EBF1: variants seen among roughly 807,000 people sequenced by gnomAD.
The protein encoded by EBF1 is transcription factor COE1.
A neutral mutation model predicts 68.4 loss-of-function variants in EBF1; 10 were observed. That is an observed-to-expected ratio of 0.15 (90% CI 0.09 to 0.25). EBF1 has a LOEUF of 0.25. Ranked by LOEUF, EBF1 falls within the 10% of genes least tolerant of loss-of-function variation. The pLI is 1.00. For synonymous variants in EBF1, 298 were observed against 299.8 expected, an observed-to-expected ratio of 0.99 and a Z score of 0.06; for missense variants, 509 against 794.4, an observed-to-expected ratio of 0.64 and a Z score of 4.32.
intron 6 of EBF1, among the ~76,000 whole-genome samples, chr5:158,991,114 T>G (rs750980359): frequency 2.5e-4 from 38 of 152,224 alleles, no homozygotes; most frequent in Admixed American, 1.2e-3. Flanking sequence ...AGCAATACAC[T>G]ACTGAACTTT....
chr5:158,984,991 C>T (rs1158893756), intron 6 of EBF1, among the ~76,000 whole-genome samples: 1 of 152,140 alleles, frequency 6.6e-6, no homozygotes, highest in East Asian at 1.9e-4. Flanking sequence ...CCCAATGCTG[C>T]TTTCTTTTCA....
chr5:159,003,098 A>G (rs1762884368), intron 6 of EBF1, among the ~76,000 whole-genome samples: 1 of 152,194 alleles, frequency 6.6e-6, no homozygotes. Flanking sequence ...ATCAAGGGTT[A>G]TTGCTGCTGT....
Position 158,748,346 on chromosome 5 carries a change from G to T in EBF1, c.1037-17189C>A, listed in dbSNP as rs774909539. On this transcript the variant is annotated intron_variant, in intron 10 of 15. Transcript: ENST00000313708. ...CCCCTCATCAAGTAAGTTGAAAATG[G>T]TTATGGAATCCAGAGGTAGCTCCGG... Among the ~76,000 whole-genome samples the T allele has an allele frequency of 1.4e-4, 21 of 152,256 alleles. No homozygotes were observed. In the Middle Eastern group the frequency reaches 0.01, roughly 74 times the overall value.
intron 6 of EBF1, among the ~76,000 whole-genome samples, chr5:158,979,964 A>T (rs910728960): frequency 1.3e-5 from 2 of 152,042 alleles, no homozygotes; most frequent in Non-Finnish European, 2.9e-5. Context: ...CCCACAAGTC[A>T]CTGGGAGTGT....
At chr5:158,925,831 A>G (rs1187869830) in intron 6 of EBF1, among the ~76,000 whole-genome samples, 1 of 152,226 alleles carries the variant, frequency 6.6e-6, no homozygotes, top group East Asian at 1.9e-4. Flanking sequence ...AATTCTAATT[A>G]ATATATCAAC....
chr5:158,897,485 G>T (rs1468020322), intron 6 of EBF1, among the ~76,000 whole-genome samples: 1 of 152,018 alleles, frequency 6.6e-6, no homozygotes, highest in Non-Finnish European at 1.5e-5. Flanking sequence ...ATACCTGGAT[G>T]ATGAAATAAT....
At chr5:158,942,264 A>T (rs7701020) in intron 6 of EBF1, among the ~76,000 whole-genome samples, 44,775 of 152,106 alleles carry the variant, frequency 0.29, 7,105 homozygotes, top group Non-Finnish European at 0.36. Context: ...CTATCTGGTA[A>T]TATACAAAGA....
chr5:158,882,809 A>G lies in EBF1; in HGVS notation c.555-42699T>C, dbSNP rs1799143555. On this transcript the variant is annotated intron_variant, in intron 6 of 15. Coordinates refer to ENST00000313708, the MANE Select transcript of EBF1 (RefSeq NM_024007.5). ...AGCAATACATGTTGCTGTGTTACAC[A>G]CCATCGAGCACCTCGCACTGCAGGT... 3.3e-5 allele frequency among the ~76,000 whole-genome samples: 5 copies of G among 152,238 alleles called. No homozygotes were observed. The South Asian group carries it at 1.0e-3, about 31-fold the overall frequency.
Position 158,720,965 on chromosome 5 carries a change from C to G in EBF1, c.1126-6783G>C, listed in dbSNP as rs148246199. On this transcript the variant is annotated intron_variant, in intron 11 of 15. Transcript: ENST00000313708. ...TTGCCCTACAGAACATTCTAGCTAG[C>G]GCATACTTTTTGCCCAGAGTCTTTT... is the stretch of plus-strand genomic sequence containing the variant. Among the ~76,000 whole-genome samples the G allele has an allele frequency of 3.3e-5, 5 of 152,140 alleles. No individual in the cohort carries two copies. In the East Asian group the frequency reaches 9.6e-4, roughly 29 times the overall value.
chr5:158,750,044 T>C (rs1768452416), intron 10 of EBF1, among the ~76,000 whole-genome samples: 1 of 152,088 alleles, frequency 6.6e-6, no homozygotes, highest in Middle Eastern at 3.2e-3. Flanking sequence ...CACTGGTAAA[T>C]CTAACATTAA....
intron 10 of EBF1, among the ~76,000 whole-genome samples, chr5:158,759,549 C>T (rs532328359): frequency 2.0e-5 from 3 of 152,176 alleles, no homozygotes; most frequent in African/African-American, 4.8e-5. Context: ...ATAGCGTGAG[C>T]GCTGGGGAAA....
Position 158,699,019 on chromosome 5 carries a change from G to T in EBF1, c.*92C>A. On this transcript the variant is annotated 3_prime_UTR_variant, in exon 16 of 16. Coordinates refer to ENST00000313708, the MANE Select transcript of EBF1 (RefSeq NM_024007.5). ...ATTGTGATTCCTCTTAAAAAGGCCT[G>T]AGTTAAAAGTTCCACTCTGGGACTT... 8.2e-7 allele frequency: 1 copy of T among 1,214,700 alleles called. No homozygotes were observed. Among genetic ancestry groups the T allele is most frequent in the Non-Finnish European group, 1.1e-6 (1 of 878,038 alleles). The allele number at this position is 1,214,700 out of a possible 1,614,324, so 75.2% of individuals were successfully genotyped here.
At chr5:158,922,838 C>T (rs935792173) in intron 6 of EBF1, among the ~76,000 whole-genome samples, 2 of 152,190 alleles carry the variant, frequency 1.3e-5, no homozygotes, top group African/African-American at 2.4e-5. Context: ...CAAGGACTAT[C>T]ATTTATTTTA....
At chr5:158,975,275 C>G (rs142418347) in intron 6 of EBF1, among the ~76,000 whole-genome samples, 6 of 152,218 alleles carry the variant, frequency 3.9e-5, no homozygotes, top group South Asian at 4.2e-4. Flanking sequence ...CCCACTCCCC[C>G]CAAAAAATAT....
At chr5:159,046,756 C>A (rs1407954510) in intron 6 of EBF1, among the ~76,000 whole-genome samples, 2 of 152,192 alleles carry the variant, frequency 1.3e-5, no homozygotes, top group East Asian at 3.8e-4. Flanking sequence ...GGATAAGATT[C>A]ATGACTGGCA....
At chr5:158,953,177 T>A (rs1359975190) in intron 6 of EBF1, among the ~76,000 whole-genome samples, 1 of 152,228 alleles carries the variant, frequency 6.6e-6, no homozygotes, top group Non-Finnish European at 1.5e-5. Context: ...GTAAACAGTA[T>A]GTCTGGGACC....
intron 6 of EBF1, among the ~76,000 whole-genome samples, chr5:158,948,780 G>A (rs1001005025): frequency 9.2e-5 from 14 of 152,190 alleles, no homozygotes; most frequent in Non-Finnish European, 1.3e-4. Flanking sequence ...CAGAGAAGCC[G>A]AGCTCTCGAT....
chr5:158,923,432 C>T (rs1356913800), intron 6 of EBF1, among the ~76,000 whole-genome samples: 1 of 152,034 alleles, frequency 6.6e-6, no homozygotes, highest in East Asian at 1.9e-4. Flanking sequence ...GAAAATATTG[C>T]CACTTTCAAA....
At position 158,972,374 on chromosome 5, in the gene EBF1, C is replaced by T. The variant is rs117932893; in HGVS notation, c.554+101022G>A. 6.4e-4 allele frequency among the ~76,000 whole-genome samples: 98 copies of T among 152,296 alleles called. 2 individuals are homozygous for T. In the East Asian group the frequency reaches 0.018, roughly 29 times the overall value. On this transcript the variant is annotated intron_variant, in intron 6 of 15. Coordinates refer to ENST00000313708, the MANE Select transcript of EBF1 (RefSeq NM_024007.5). ...GATGGTTTCGTGGAAACTGAGTTTG[C>T]AATACGGTTGTCAAAGCGGATAGAT...
Sources: allele counts gnomAD v4.1 joint callset (sites outside exome capture counted in the v4.1 genomes callset), GRCh38; gene constraint gnomAD v4.1.1; transcripts MANE v1.5; gene names NCBI Gene and HGNC (gene_info 2026-07-23, HGNC 2026-07-21).